The following POT1 variants were observed in gnomAD, a reference collection of about 807,000 sequenced individuals.
POT1 encodes the protein protection of telomeres protein 1.
A neutral mutation model predicts 78.5 loss-of-function variants in POT1; 47 were observed. The observed-to-expected ratio is 0.60, with a 90% CI of 0.47 to 0.76. The LOEUF is 0.76. Among genes scored for constraint, POT1 ranks in the 30% least tolerant of loss-of-function variants. The pLI, the probability that POT1 is intolerant of heterozygous loss-of-function variation, is 0.00. For missense variants in POT1, 646 were observed against 749.9 expected (o/e 0.86, Z 1.62); for synonymous variants, 259 against 260.7 (o/e 0.99, Z 0.06).
At chr7:124,891,515 T>G (rs6948345) in intron 6 of POT1, among the ~76,000 whole-genome samples, 90,794 of 151,106 alleles carry the variant, frequency 0.6, 27,404 homozygotes, top group African/African-American at 0.65. Flanking sequence ...TTTATAATAA[T>G]AGTAGTTATT....
chr7:124,826,051 A>C (rs1794622918), intron 17 of POT1, among the ~76,000 whole-genome samples: 2 of 152,184 alleles, frequency 1.3e-5, no homozygotes, highest in African/African-American at 2.4e-5. Flanking sequence ...GTCACTATGA[A>C]TAGTTTAACA....
At chr7:124,838,230 G>A (rs1463146913) in intron 14 of POT1, among the ~76,000 whole-genome samples, 1 of 151,826 alleles carries the variant, frequency 6.6e-6, no homozygotes, top group Non-Finnish European at 1.5e-5. Context: ...ATACATATTA[G>A]GAAGGAAGAA....
At chr7:124,875,788 A>G (rs1343809157) in intron 6 of POT1, among the ~76,000 whole-genome samples, 1 of 152,226 alleles carries the variant, frequency 6.6e-6, no homozygotes, top group Non-Finnish European at 1.5e-5. Context: ...ATTCTTATCC[A>G]GTAAGTCATT....
intron 15 of POT1, among the ~76,000 whole-genome samples, chr7:124,832,138 A>G (rs1206039239): frequency 6.6e-6 from 1 of 150,806 alleles, no homozygotes; most frequent in Admixed American, 6.6e-5. Flanking sequence ...GTGCACCTGT[A>G]GTCCCAGCTA....
In POT1 at chr7:124,823,729, TG is replaced by T; in HGVS notation, c.*232del. Reference sequence around the variant, plus strand: ...ATCAGACACTTATCTCAGCAGTACTTGTTTAAGCAGGTCTCTTTGTACAAAA... The same window carrying T: ...ATCAGACACTTATCTCAGCAGTACTTTTTAAGCAGGTCTCTTTGTACAAAA... On this transcript the variant is annotated 3_prime_UTR_variant, in exon 19 of 19. Transcript: ENST00000357628. 4.3e-6 allele frequency: 2 copies of T among 470,278 alleles called. No individual in the cohort carries two copies. The highest frequency in any genetic ancestry group is 3.7e-6 in the Non-Finnish European group (1 of 267,762). The allele number at this position is 470,278 out of a possible 1,614,324, so 29.1% of individuals were successfully genotyped here. A position where few individuals can be genotyped will look rare whatever the true frequency, so the allele number is the denominator to read the frequency against.
At chr7:124,907,610 A>G (rs527573104) in intron 3 of POT1, among the ~76,000 whole-genome samples, 30 of 152,222 alleles carry the variant, frequency 2.0e-4, no homozygotes, top group Non-Finnish European at 3.7e-4. Context: ...CATTTTTCAA[A>G]ACTCATAGAA....
rs553388760 is a variant in POT1 at position 124,823,931 on chromosome 7, C to T, written c.*31G>A. 9 of 1,416,460 alleles carry T rather than the reference C, an allele frequency of 6.4e-6. No homozygotes were observed. The highest frequency in any genetic ancestry group is 1.4e-5 in the African/African-American group (1 of 70,450). The allele number at this position is 1,416,460 out of a possible 1,614,324, so 87.7% of individuals were successfully genotyped here. On this transcript the variant is annotated 3_prime_UTR_variant, in exon 19 of 19. Coordinates refer to ENST00000357628, the MANE Select transcript of POT1 (RefSeq NM_015450.3). The stretch of plus-strand genomic sequence containing the variant: ...CTCAAACAGGGAAGGTGAGTGGCAA[C>T]ATTTTATGTATGCTAAATTGGATGG...
intron 5 of POT1, among the ~76,000 whole-genome samples, chr7:124,894,227 T>C (rs1796439019): frequency 6.6e-6 from 1 of 150,958 alleles, no homozygotes; most frequent in Non-Finnish European, 1.5e-5. Context: ...GCTAATCTAA[T>C]CAAACTTCAA....
chr7:124,907,600 C>A (rs1268683468), intron 3 of POT1, among the ~76,000 whole-genome samples: 1 of 152,070 alleles, frequency 6.6e-6, no homozygotes, highest in East Asian at 1.9e-4. Context: ...TGTCAAAATA[C>A]ATTTTTCAAA....
chr7:124,909,139 G>A lies in POT1; in HGVS notation c.-154+6435C>T, dbSNP rs1036468091. Among the ~76,000 whole-genome samples, 10 of 151,870 alleles carry A rather than the reference G, an allele frequency of 6.6e-5. No individual in the cohort carries two copies. The South Asian group carries it at 1.9e-3, about 28-fold the overall frequency. On this transcript the variant is annotated intron_variant, in intron 3 of 18. Coordinates refer to ENST00000357628, the MANE Select transcript of POT1 (RefSeq NM_015450.3). ...TGTCTTTATTTTTGACAGTTTTGGG[G>A]TAATTTTTTTTAACTTTCAGAATAC...
At chr7:124,857,069 T>C (rs1286209640) in intron 9 of POT1, among the ~76,000 whole-genome samples, 1 of 152,184 alleles carries the variant, frequency 6.6e-6, no homozygotes. Flanking sequence ...TAATTACTAT[T>C]TTTTCTGTAA....
intron 6 of POT1, among the ~76,000 whole-genome samples, chr7:124,887,204 G>GAATTTAGA: frequency 6.6e-6 from 1 of 152,088 alleles, no homozygotes; most frequent in Admixed American, 6.6e-5. Flanking sequence ...TGAAGACTCT[G>GAATTTAGA]GGAATAAGCT....
intron 6 of POT1, among the ~76,000 whole-genome samples, chr7:124,871,529 T>C (rs1795868156): frequency 1.3e-5 from 2 of 152,102 alleles, no homozygotes; most frequent in South Asian, 4.1e-4. Flanking sequence ...GAATAAACAA[T>C]ACATAGAAAA....
intron 6 of POT1, among the ~76,000 whole-genome samples, chr7:124,889,431 CTGA>C (rs1356140992): frequency 3.9e-5 from 6 of 152,042 alleles, no homozygotes; most frequent in Admixed American, 3.9e-4. Context: ...GTAGCAAGTG[CTGA>C]TGAAGAAGAT....
chr7:124,824,393 A>G (rs868409941), intron 18 of POT1, among the ~76,000 whole-genome samples: 2 of 152,076 alleles, frequency 1.3e-5, no homozygotes, highest in Admixed American at 6.6e-5. Flanking sequence ...TACCAGGCCC[A>G]TGCTTTTGGA....
intron 6 of POT1, among the ~76,000 whole-genome samples, chr7:124,889,765 A>G (rs1342902552): frequency 1.3e-5 from 2 of 152,018 alleles, no homozygotes; most frequent in African/African-American, 2.4e-5. Flanking sequence ...TGCTCACAGC[A>G]TGGCTTTCTG....
intron 7 of POT1, among the ~76,000 whole-genome samples, chr7:124,865,072 T>C (rs550038819): frequency 6.6e-6 from 1 of 152,302 alleles, no homozygotes; most frequent in Admixed American, 6.5e-5. Context: ...AGAATGTATT[T>C]GCTGGATATA....
At position 124,863,515 on chromosome 7, in the gene POT1, A is replaced by G. The variant is rs2116542100; in HGVS notation, c.381T>C (p.Thr127=). 1.9e-6 allele frequency: 3 copies of G among 1,613,994 alleles called. No homozygotes were observed. The highest frequency in any genetic ancestry group is 1.1e-5 in the South Asian group (1 of 91,078). ...AGGCTTCTACCATTTTGTGGTCCTCAGTAGTGAAGTTAAAATACTTGCTTG... is the reference window on the plus strand; with the variant it reads ...AGGCTTCTACCATTTTGTGGTCCTCGGTAGTGAAGTTAAAATACTTGCTTG... ...RTSSKYFNFT[T]EDHKMVEALR... is the part of the protein sequence containing the mutation. Residue 127 remains threonine (T), a synonymous_variant, in exon 8 of 19, where the codon ACT becomes ACC. Coordinates refer to ENST00000357628, the MANE Select transcript of POT1 (RefSeq NM_015450.3).
At chr7:124,848,594 T>A in intron 11 of POT1, 1 of 184,976 alleles carries the variant, frequency 5.4e-6, no homozygotes, top group Non-Finnish European at 1.1e-5. Flanking sequence ...ACTCAGGAGG[T>A]GGAGGCTGCA....
Sources: allele counts gnomAD v4.1 joint callset (sites outside exome capture counted in the v4.1 genomes callset), GRCh38; gene constraint gnomAD v4.1.1; transcripts MANE v1.5; gene names NCBI Gene and HGNC (gene_info 2026-07-23, HGNC 2026-07-21).